The following GPC5 variants were observed in gnomAD, a reference collection of about 807,000 sequenced individuals.
GPC5 encodes the protein glypican-5.
GPC5 carries 47 observed loss-of-function variants against 53.9 expected under a neutral mutation model. The ratio of observed to expected loss-of-function variants is 0.87; its 90% CI spans 0.69 to 1.11. GPC5 has a LOEUF of 1.11. Ranked by LOEUF, GPC5 falls within the 50% of genes most tolerant of loss-of-function variation. The probability of loss-of-function intolerance (pLI) is 0.00; values close to 1 mark genes in which losing one functional copy is unlikely to be tolerated. For synonymous variants in GPC5, 286 were observed against 263.3 expected (o/e 1.09, Z -0.84); for missense variants, 748 against 713.1 (o/e 1.05, Z -0.56).
chr13:92,472,956 T>C (rs888112929), intron 7 of GPC5, among the ~76,000 whole-genome samples: 3 of 152,122 alleles, frequency 2.0e-5, no homozygotes, highest in African/African-American at 7.2e-5. Flanking sequence ...TGGCTTTTGA[T>C]ACCTAGATAA....
At chr13:92,320,808 A>G (rs1451389066) in intron 7 of GPC5, among the ~76,000 whole-genome samples, 2 of 152,080 alleles carry the variant, frequency 1.3e-5, no homozygotes, top group African/African-American at 4.8e-5. Context: ...TGTTTTCAAG[A>G]TTTTGAACCA....
rs181753661 is a variant in GPC5, at chr13:92,400,987, G to A, written c.1561+255998G>A. 7.9e-5 allele frequency among the ~76,000 whole-genome samples: 12 copies of A among 152,068 alleles called. No individual in the cohort carries two copies. The East Asian group carries it at 2.3e-3, about 29-fold the overall frequency. On this transcript the variant is annotated intron_variant, in intron 7 of 7. Transcript: ENST00000377067. The stretch of plus-strand genomic sequence containing the variant: ...GTATGTTCTGAGGCAGATGGAAGTT[G>A]TTGCCTTTGATTTCAAAATACCCCT...
At chr13:91,761,405 A>T (rs1473221985) in intron 5 of GPC5, among the ~76,000 whole-genome samples, 1 of 152,008 alleles carries the variant, frequency 6.6e-6, no homozygotes, top group African/African-American at 2.4e-5. Flanking sequence ...AAACCAGATG[A>T]GTGTCCTCCA....
intron 6 of GPC5, among the ~76,000 whole-genome samples, chr13:91,909,357 A>C (rs2039587646): frequency 6.6e-6 from 1 of 152,160 alleles, no homozygotes; most frequent in Non-Finnish European, 1.5e-5. Context: ...AAGAGCTTTA[A>C]TATTAATCAG....
intron 7 of GPC5, among the ~76,000 whole-genome samples, chr13:92,209,468 C>T (rs1035017493): frequency 5.3e-5 from 8 of 152,124 alleles, no homozygotes; most frequent in Non-Finnish European, 1.2e-4. Context: ...ACTCCACTCT[C>T]CTGTATATAA....
rs1193221233 is a variant in GPC5, at chr13:92,535,256, GTTAA to G, written c.1562-331020_1562-331017del. On this transcript the variant is annotated intron_variant, in intron 7 of 7. Coordinates refer to ENST00000377067, the MANE Select transcript of GPC5 (RefSeq NM_004466.6). Reference sequence around the variant, plus strand: ...TCATGTCTGCTTCATTCTACTCTTTGTTAATTAATCATTCTCTTCAGTTCATGCA... The same window carrying G: ...TCATGTCTGCTTCATTCTACTCTTTGTTAATCATTCTCTTCAGTTCATGCA... Among the ~76,000 whole-genome samples, 3 of 152,100 alleles carry G rather than the reference GTTAA, an allele frequency of 2.0e-5. No homozygotes were observed. The South Asian group carries it at 6.2e-4, about 31-fold the overall frequency.
rs541834912 is a variant in GPC5 at position 92,763,277 on chromosome 13, T to C, written c.1562-103005T>C. ...GTCCTTCACATGAATGATTTTTATC[T>C]GCAGATGGATCTTAATGTACCAGTT... On this transcript the variant is annotated intron_variant, in intron 7 of 7. Transcript: ENST00000377067. Among the ~76,000 whole-genome samples the C allele has an allele frequency of 3.3e-5, 5 of 152,334 alleles. No homozygotes were observed. In the East Asian group the frequency reaches 9.7e-4, roughly 29 times the overall value.
chr13:92,019,058 C>T (rs753152224), intron 6 of GPC5, among the ~76,000 whole-genome samples: 2 of 151,894 alleles, frequency 1.3e-5, no homozygotes, highest in Non-Finnish European at 2.9e-5. Flanking sequence ...TTAAGAAACA[C>T]ATTACATTGG....
chr13:91,569,474 C>T lies in GPC5; in HGVS notation c.325+120552C>T, dbSNP rs541039074. 1.2e-4 allele frequency among the ~76,000 whole-genome samples: 18 copies of T among 152,166 alleles called. 1 individual carries two copies. In the East Asian group the frequency reaches 2.5e-3, roughly 21 times the overall value. On this transcript the variant is annotated intron_variant, in intron 2 of 7. Coordinates refer to ENST00000377067, the MANE Select transcript of GPC5 (RefSeq NM_004466.6). Reference sequence around the variant, plus strand: ...TCTGTACTATGGCCCTTTGGAGCGTCGTTAACAATTTTAATATATAACATT... The same window carrying T: ...TCTGTACTATGGCCCTTTGGAGCGTTGTTAACAATTTTAATATATAACATT...
chr13:91,440,394 A>G (rs1318105890), intron 1 of GPC5, among the ~76,000 whole-genome samples: 1 of 152,164 alleles, frequency 6.6e-6, no homozygotes, highest in Non-Finnish European at 1.5e-5. Flanking sequence ...CTCAGCTTTC[A>G]AGCTCATACA....
chr13:92,843,209 A>T (rs1878490318), intron 7 of GPC5, among the ~76,000 whole-genome samples: 1 of 152,052 alleles, frequency 6.6e-6, no homozygotes, highest in Non-Finnish European at 1.5e-5. Flanking sequence ...TCTCTTAACC[A>T]CCCCAATTTG....
intron 5 of GPC5, among the ~76,000 whole-genome samples, chr13:91,860,600 C>T (rs1479275363): frequency 1.3e-5 from 2 of 150,202 alleles, no homozygotes; most frequent in Admixed American, 6.6e-5. Flanking sequence ...ACCTCTGCCT[C>T]CCAGATTCAA....
At chr13:91,860,571 G>A (rs376028756) in intron 5 of GPC5, among the ~76,000 whole-genome samples, 32 of 143,092 alleles carry the variant, frequency 2.2e-4, no homozygotes, top group African/African-American at 8.1e-4. Flanking sequence ...GTGCATTGGC[G>A]TGACCTTGGC....
At position 92,328,987 on chromosome 13, in the gene GPC5, C is replaced by A. The variant is rs2043270869; in HGVS notation, c.1561+183998C>A. Among the ~76,000 whole-genome samples the A allele has an allele frequency of 2.0e-5, 3 of 152,290 alleles. No homozygotes were observed. The South Asian group carries it at 6.2e-4, about 32-fold the overall frequency. ...TGCCATGCAACTCCTGATTTGCTCTCTTCTAGGTTCACCCTCTACTGGCTT... is the reference window on the plus strand; with the variant it reads ...TGCCATGCAACTCCTGATTTGCTCTATTCTAGGTTCACCCTCTACTGGCTT... On this transcript the variant is annotated intron_variant, in intron 7 of 7. Coordinates refer to ENST00000377067, the MANE Select transcript of GPC5 (RefSeq NM_004466.6).
chr13:92,694,214 C>A (rs1359207578), intron 7 of GPC5, among the ~76,000 whole-genome samples: 1 of 152,200 alleles, frequency 6.6e-6, no homozygotes, highest in Non-Finnish European at 1.5e-5. Flanking sequence ...TCATGGAGAA[C>A]CTCTACTAGG....
At chr13:92,563,269 T>C (rs1287718816) in intron 7 of GPC5, among the ~76,000 whole-genome samples, 1 of 152,018 alleles carries the variant, frequency 6.6e-6, no homozygotes, top group Non-Finnish European at 1.5e-5. Flanking sequence ...TACTGAACAG[T>C]GTTTAAAAAA....
At chr13:91,423,947 G>T (rs533500469) in intron 1 of GPC5, among the ~76,000 whole-genome samples, 1 of 152,170 alleles carries the variant, frequency 6.6e-6, no homozygotes, top group South Asian at 2.1e-4. Flanking sequence ...ATTCAACTGA[G>T]AAATAGTTAC....
At chr13:92,164,726 T>C (rs1234188454) in intron 7 of GPC5, among the ~76,000 whole-genome samples, 1 of 152,158 alleles carries the variant, frequency 6.6e-6, no homozygotes. Context: ...GGATTTTTTG[T>C]GTGGGGACTC....
intron 7 of GPC5, among the ~76,000 whole-genome samples, chr13:92,757,622 A>T (rs920312985): frequency 2.6e-5 from 4 of 152,168 alleles, no homozygotes; most frequent in African/African-American, 9.7e-5. Context: ...AATGAACTTA[A>T]ACAAATTTAC....
Sources: gnomAD v4.1 joint callset for allele counts (sites outside exome capture counted in the v4.1 genomes callset) on GRCh38, gnomAD v4.1.1 for gene constraint, MANE v1.5 for transcripts, NCBI Gene and HGNC (gene_info 2026-07-23, HGNC 2026-07-21) for gene names.